ASB7: variants seen among roughly 807,000 people sequenced by gnomAD.
ASB7 encodes ankyrin repeat and SOCS box protein 7.
ASB7 carries 4 observed loss-of-function variants against 32.5 expected under a neutral mutation model. The ratio of observed to expected loss-of-function variants is 0.12; its 90% CI spans 0.06 to 0.28. The LOEUF is 0.28. ASB7 is among the 10% of genes least tolerant of loss of function. ASB7 has a pLI of 1.00. For missense variants in ASB7, 181 were observed against 407.1 expected (o/e 0.44, Z 4.78); for synonymous variants, 172 against 155.6 (o/e 1.11, Z -0.78).
chr15:100,616,723 A>G (rs1184466880), intron 4 of ASB7, among the ~76,000 whole-genome samples: 1 of 152,210 alleles, frequency 6.6e-6, no homozygotes, highest in East Asian at 1.9e-4. Flanking sequence ...CCCTAGTAGA[A>G]TAAGAGATTC....
At chr15:100,635,846 C>T (rs77756156) in intron 5 of ASB7, among the ~76,000 whole-genome samples, 3,497 of 152,260 alleles carry the variant, frequency 0.023, 123 homozygotes, top group African/African-American at 0.074. Flanking sequence ...GGGCTTTCCT[C>T]GTGGCTCTGA....
intron 5 of ASB7, among the ~76,000 whole-genome samples, chr15:100,641,354 C>A (rs2039960515): frequency 6.6e-6 from 1 of 152,068 alleles, no homozygotes; most frequent in Non-Finnish European, 1.5e-5. Flanking sequence ...TCTTAAAATG[C>A]CATTTCTGAA....
intron 2 of ASB7, among the ~76,000 whole-genome samples, chr15:100,606,866 A>G (rs889411644): frequency 6.6e-6 from 1 of 152,024 alleles, no homozygotes; most frequent in Non-Finnish European, 1.5e-5. Context: ...TTACAAAATT[A>G]CCTCCTGGCC....
intron 4 of ASB7, among the ~76,000 whole-genome samples, chr15:100,628,151 C>T (rs1051865520): frequency 6.6e-6 from 1 of 152,208 alleles, no homozygotes. Flanking sequence ...TGTACTGACA[C>T]TTTACAGTAA....
chr15:100,611,484 C>CTTTTTTTTCTTTTTTT (rs2039694716), intron 3 of ASB7, among the ~76,000 whole-genome samples: 1 of 77,144 alleles, frequency 1.3e-5, no homozygotes, highest in Non-Finnish European at 2.3e-5. Context: ...TGTTTCGATT[C>CTTTTTTTTCTTTTTTT]TTTTTTTTTT....
At chr15:100,643,770 G>T (rs1279905273) in intron 5 of ASB7, among the ~76,000 whole-genome samples, 1 of 151,666 alleles carries the variant, frequency 6.6e-6, no homozygotes. Flanking sequence ...TGGGATTACA[G>T]ACATGATGCA....
chr15:100,641,960 A>G (rs1310425639), intron 5 of ASB7, among the ~76,000 whole-genome samples: 1 of 152,230 alleles, frequency 6.6e-6, no homozygotes, highest in Non-Finnish European at 1.5e-5. Flanking sequence ...TGGTGGGGCC[A>G]GGAGCCAAAT....
At chr15:100,615,113 A>G (rs992599579) in intron 4 of ASB7, among the ~76,000 whole-genome samples, 4 of 152,244 alleles carry the variant, frequency 2.6e-5, no homozygotes, top group African/African-American at 7.2e-5. Flanking sequence ...TAAGCTATAT[A>G]TAACCTGGGT....
At chr15:100,643,680 A>G (rs2039977843) in intron 5 of ASB7, among the ~76,000 whole-genome samples, 1 of 150,450 alleles carries the variant, frequency 6.6e-6, no homozygotes, top group African/African-American at 2.4e-5. Flanking sequence ...TTTTTAGTAG[A>G]GACGGGGTTT....
chr15:100,623,771 CTG>C (rs1417383463), intron 4 of ASB7, among the ~76,000 whole-genome samples: 1 of 152,154 alleles, frequency 6.6e-6, no homozygotes, highest in African/African-American at 2.4e-5. Context: ...AGTACAACCT[CTG>C]TGGAAAACTG....
chr15:100,646,119 G>T, intron 5 of ASB7: 1 of 400,004 alleles, frequency 2.5e-6, no homozygotes, highest in South Asian at 2.0e-5. Context: ...AGCAGCATAG[G>T]GTTTTCACTT....
At chr15:100,627,299 GCTTTT>G (rs953385275) in intron 4 of ASB7, among the ~76,000 whole-genome samples, 10 of 152,150 alleles carry the variant, frequency 6.6e-5, no homozygotes, top group Admixed American at 2.6e-4. Context: ...TTTAGGGAAG[GCTTTT>G]CTTTTTTTGA....
At chr15:100,630,116 C>T in intron 5 of ASB7, 74 bp downstream of exon 5, 1 of 1,429,838 alleles carries the variant, frequency 7.0e-7, no homozygotes, top group Non-Finnish European at 9.2e-7. Context: ...TGTGTTTTTG[C>T]AACTTAAGAT....
intron 2 of ASB7, among the ~76,000 whole-genome samples, chr15:100,606,269 C>CT (rs1020619948): frequency 1.3e-4 from 20 of 151,950 alleles, no homozygotes; most frequent in African/African-American, 4.8e-4. Context: ...TTTTTGTTTA[C>CT]TTTGCAAAGA....
Position 100,602,977 on chromosome 15 carries a change from C to T in ASB7, c.-342C>T. 1 of 399,106 alleles carries T rather than the reference C, an allele frequency of 2.5e-6. No individual in the cohort carries two copies. 24.7% of individuals were successfully genotyped at this position (399,106 alleles called of 1,614,324 possible). A position where few individuals can be genotyped will look rare whatever the true frequency, so the allele number is the denominator to read the frequency against. On this transcript the variant is annotated 5_prime_UTR_variant, in exon 1 of 6. Coordinates refer to ENST00000332783, the MANE Select transcript of ASB7 (RefSeq NM_198243.3). ...GGGTCCGGCCCTGCCTGGGGTATTT[C>T]TTCAATGGAGAAGTTGGTGAGTGTA...
Position 100,630,029 on chromosome 15 carries a change from A to G in ASB7, c.804A>G (p.Leu268=). The change falls in exon 5 of 6, where the codon TTA becomes TTG. Residue 268 remains leucine (L), a synonymous_variant. Transcript: ENST00000332783. The part of the protein sequence containing the change: ...SGSSRPCLDF[L]QEVTRQPRNL... ...GTAGTCGACCATGTTTGGATTTCTT[A>G]CAAGAAGTCACAAGTATGTAATATA... 1 of 1,591,774 alleles carries G rather than the reference A, an allele frequency of 6.3e-7. No individual in the cohort carries two copies. The highest frequency in any genetic ancestry group is 8.6e-7 in the Non-Finnish European group (1 of 1,167,110).
chr15:100,633,152 G>A (rs563024972), intron 5 of ASB7, among the ~76,000 whole-genome samples: 1 of 150,664 alleles, frequency 6.6e-6, no homozygotes, highest in Admixed American at 6.6e-5. Flanking sequence ...GGAAAGCTGC[G>A]TCCTGCTTAG....
At chr15:100,646,941 TC>T (rs1489001703) in intron 5 of ASB7, among the ~76,000 whole-genome samples, 1 of 152,198 alleles carries the variant, frequency 6.6e-6, no homozygotes, top group Non-Finnish European at 1.5e-5. Flanking sequence ...CAGATTGAAT[TC>T]AGAAGCATAT....
chr15:100,630,151 A>G, intron 5 of ASB7, 109 bp downstream of exon 5: 1 of 1,391,686 alleles, frequency 7.2e-7, no homozygotes, highest in Non-Finnish European at 9.3e-7. Flanking sequence ...CATTCCTATA[A>G]CCACTGCTTG....
Sources: allele counts gnomAD v4.1 joint callset (sites outside exome capture counted in the v4.1 genomes callset), GRCh38; gene constraint gnomAD v4.1.1; transcripts MANE v1.5; gene names NCBI Gene and HGNC (gene_info 2026-07-23, HGNC 2026-07-21).